CPNE4: variants seen among roughly 807,000 people sequenced by gnomAD.
The protein encoded by CPNE4 is copine 4, also known as copine-4.
A neutral mutation model predicts 67.9 loss-of-function variants in CPNE4; 25 were observed. The ratio of observed to expected loss-of-function variants is 0.37; its 90% confidence interval spans 0.27 to 0.51. The LOEUF (loss-of-function observed/expected upper bound fraction) is 0.51, where lower values mean the gene tolerates loss of function less well. Among genes scored for constraint, CPNE4 ranks in the 20% least tolerant of loss-of-function variants. CPNE4 has a pLI of 0.93. For synonymous variants in CPNE4, 242 were observed against 244.9 expected (o/e 0.99, Z 0.11); for missense variants, 464 against 690.8 (o/e 0.67, Z 3.68).
At chr3:131,806,650 T>C (rs1432164465) in intron 2 of CPNE4, among the ~76,000 whole-genome samples, 1 of 151,586 alleles carries the variant, frequency 6.6e-6, no homozygotes, top group Non-Finnish European at 1.5e-5. Context: ...AAGACACAAG[T>C]GTAGGGAAAA....
intron 6 of CPNE4, among the ~76,000 whole-genome samples, chr3:131,685,216 T>A (rs1253078908): frequency 3.3e-5 from 5 of 152,116 alleles, no homozygotes; most frequent in Non-Finnish European, 7.4e-5. Context: ...GGAATTTTTG[T>A]GAGAAATAAA....
At chr3:131,907,490 C>A (rs551276662) in intron 1 of CPNE4, among the ~76,000 whole-genome samples, 1 of 95,420 alleles carries the variant, frequency 1.0e-5, no homozygotes, top group African/African-American at 4.4e-5. Flanking sequence ...CTCAGCATTA[C>A]GCATCACACA....
At chr3:132,032,330 A>G (rs1004069305) in intron 1 of CPNE4, among the ~76,000 whole-genome samples, 1 of 152,242 alleles carries the variant, frequency 6.6e-6, no homozygotes, top group Non-Finnish European at 1.5e-5. Flanking sequence ...CAGGAAAGGC[A>G]TAAGTTTGAT....
intron 2 of CPNE4, among the ~76,000 whole-genome samples, chr3:131,837,150 G>A (rs1355993119): frequency 6.6e-6 from 1 of 152,120 alleles, no homozygotes; most frequent in Non-Finnish European, 1.5e-5. Flanking sequence ...GGTACCACCA[G>A]TTTGGGAAGC....
At chr3:132,018,939 G>A (rs1001361787) in intron 1 of CPNE4, among the ~76,000 whole-genome samples, 5 of 152,144 alleles carry the variant, frequency 3.3e-5, no homozygotes, top group African/African-American at 1.2e-4. Context: ...AGGAAAATTA[G>A]GGCGATGCAC....
chr3:131,938,305 T>G (rs1388405857), intron 1 of CPNE4, among the ~76,000 whole-genome samples: 1 of 151,884 alleles, frequency 6.6e-6, no homozygotes, highest in East Asian at 1.9e-4. Flanking sequence ...TGTAGTGAAC[T>G]GTGATCGTAC....
At chr3:131,998,231 G>C (rs925224287) in intron 1 of CPNE4, among the ~76,000 whole-genome samples, 1 of 152,098 alleles carries the variant, frequency 6.6e-6, no homozygotes, top group Admixed American at 6.6e-5. Flanking sequence ...TGCAGCTGCA[G>C]GCATCCTGGA....
chr3:131,662,966 T>C (rs2080164550), intron 7 of CPNE4, among the ~76,000 whole-genome samples: 3 of 152,168 alleles, frequency 2.0e-5, no homozygotes, highest in South Asian at 2.1e-4. Flanking sequence ...TACAGGTATA[T>C]ACCCAAAGGA....
chr3:131,624,098 C>T (rs907542987), intron 7 of CPNE4, among the ~76,000 whole-genome samples: 1 of 152,110 alleles, frequency 6.6e-6, no homozygotes, highest in Admixed American at 6.5e-5. Flanking sequence ...CTATTGGTGT[C>T]TTTCTGAGTT....
intron 2 of CPNE4, among the ~76,000 whole-genome samples, chr3:131,860,681 C>T (rs2086639672): frequency 6.6e-6 from 1 of 151,680 alleles, no homozygotes; most frequent in Non-Finnish European, 1.5e-5. Flanking sequence ...CTCAAAGAGT[C>T]TTGGTTTTTT....
At chr3:131,674,777 ATTTT>A (rs908286418) in intron 6 of CPNE4, among the ~76,000 whole-genome samples, 4 of 151,338 alleles carry the variant, frequency 2.6e-5, no homozygotes, top group African/African-American at 7.3e-5. Context: ...TGTTTTATTG[ATTTT>A]TTTATTATTT....
intron 1 of CPNE4, among the ~76,000 whole-genome samples, chr3:132,023,598 C>T (rs559838593): frequency 6.3e-4 from 95 of 149,852 alleles, no homozygotes; most frequent in African/African-American, 2.3e-3. Flanking sequence ...CGCCATTCTC[C>T]TGCCTCAGCC....
At chr3:131,949,163 GC>G (rs774865682) in intron 1 of CPNE4, among the ~76,000 whole-genome samples, 1 of 152,268 alleles carries the variant, frequency 6.6e-6, no homozygotes, top group East Asian at 1.9e-4. Context: ...CCTTTGCTAA[GC>G]CCATCTCTAT....
chr3:131,534,963 A>G lies in CPNE4; in HGVS notation c.*232T>C. The G allele has an allele frequency of 2.9e-6, 1 of 350,860 alleles. No homozygotes were observed. Among genetic ancestry groups the G allele is most frequent in the Non-Finnish European group, 5.1e-6 (1 of 196,570 alleles). 21.7% of individuals were successfully genotyped at this position (350,860 alleles called of 1,614,324 possible). A position where few individuals can be genotyped will look rare whatever the true frequency, so the allele number is the denominator to read the frequency against. ...CATGCTGTAATGTAAATAGTAAGTT[A>G]TTGTTATCTGTGTTTCTTTGTAAAA... On this transcript the variant is annotated 3_prime_UTR_variant, in exon 16 of 16. Transcript: ENST00000429747.
At chr3:131,976,520 G>A (rs140198186) in intron 1 of CPNE4, among the ~76,000 whole-genome samples, 2 of 152,050 alleles carry the variant, frequency 1.3e-5, no homozygotes, top group African/African-American at 4.8e-5. Context: ...TAGAAGGAAA[G>A]AGAAAACAAG....
intron 1 of CPNE4, among the ~76,000 whole-genome samples, chr3:131,919,799 T>C (rs1177766770): frequency 2.0e-5 from 3 of 152,192 alleles, no homozygotes; most frequent in African/African-American, 7.2e-5. Context: ...TTTTAGATTA[T>C]CTTTAACATC....
intron 2 of CPNE4, among the ~76,000 whole-genome samples, chr3:131,820,044 G>A (rs1454384098): frequency 2.0e-5 from 3 of 152,148 alleles, no homozygotes; most frequent in Non-Finnish European, 2.9e-5. Flanking sequence ...TTACGTCCCT[G>A]AATCTCAATT....
At chr3:131,803,550 A>C (rs529310725) in intron 2 of CPNE4, among the ~76,000 whole-genome samples, 5 of 152,336 alleles carry the variant, frequency 3.3e-5, no homozygotes, top group African/African-American at 1.2e-4. Context: ...CTCCTGAGTA[A>C]AGAATTTAAA....
In CPNE4 at chr3:131,745,104, CTATT is replaced by C. The variant is rs373748112; in HGVS notation, c.181-21483_181-21480del. On this transcript the variant is annotated intron_variant, in intron 2 of 15. Transcript: ENST00000429747. ...ATCTCCAACAGCATTTGCTGTATCA[CTATT>C]TATTATTTCAGCCATTCTAACAGGT... Among the ~76,000 whole-genome samples the C allele has an allele frequency of 3.5e-3, 539 of 152,262 alleles. 5 individuals are homozygous for C. Among genetic ancestry groups the C allele is most frequent in the Non-Finnish European group, 5.1e-3 (344 of 67,990 alleles).
Sources: allele counts gnomAD v4.1 joint callset (sites outside exome capture counted in the v4.1 genomes callset), GRCh38; gene constraint gnomAD v4.1.1; transcripts MANE v1.5; gene names NCBI Gene and HGNC (gene_info 2026-07-23, HGNC 2026-07-21).